The following PRKAR1B variants were observed in gnomAD, a reference collection of about 807,000 sequenced individuals.
The protein encoded by PRKAR1B is cAMP-dependent protein kinase type I-beta regulatory subunit.
In PRKAR1B, 22 loss-of-function variants were observed where a neutral mutation model predicts 46.5. The ratio of observed to expected loss-of-function variants is 0.47; its 90% CI spans 0.34 to 0.68. The LOEUF (loss-of-function observed/expected upper bound fraction) is 0.68, where lower values mean the gene tolerates loss of function less well. Among genes scored for constraint, PRKAR1B ranks in the 30% least tolerant of loss-of-function variants. The pLI is 0.01. For synonymous variants in PRKAR1B, 259 were observed against 217.7 expected (o/e 1.19, Z -1.67); for missense variants, 445 against 535.6 (o/e 0.83, Z 1.67).
At chr7:613,721 C>T (rs994252720) in intron 4 of PRKAR1B, among the ~76,000 whole-genome samples, 1 of 152,242 alleles carries the variant, frequency 6.6e-6, no homozygotes, top group South Asian at 2.1e-4. Flanking sequence ...AAGCCACGAC[C>T]AGGCCCACCT....
intron 8 of PRKAR1B, among the ~76,000 whole-genome samples, chr7:579,627 C>T (rs376885424): frequency 9.2e-5 from 14 of 152,222 alleles, no homozygotes; most frequent in Non-Finnish European, 1.5e-4. Context: ...TCACCAGTTG[C>T]GGAGGGAGCT....
intron 9 of PRKAR1B, among the ~76,000 whole-genome samples, chr7:578,014 G>T (rs1381749390): frequency 6.6e-6 from 1 of 152,234 alleles, no homozygotes; most frequent in Non-Finnish European, 1.5e-5. Context: ...CGGGTCATCA[G>T]ACCACATTGC....
At chr7:576,390 G>C (rs1779835401) in intron 9 of PRKAR1B, among the ~76,000 whole-genome samples, 2 of 152,174 alleles carry the variant, frequency 1.3e-5, no homozygotes, top group Admixed American at 1.3e-4. Context: ...CATCACTGTT[G>C]AACGAGTCCT....
At chr7:717,856 T>C (rs912220747) in intron 1 of PRKAR1B, among the ~76,000 whole-genome samples, 2 of 151,686 alleles carry the variant, frequency 1.3e-5, no homozygotes, top group East Asian at 3.9e-4. Context: ...GCTTGTGGGG[T>C]ACCCTCCCCT....
intron 5 of PRKAR1B, among the ~76,000 whole-genome samples, chr7:607,152 C>T (rs1016301385): frequency 1.3e-4 from 19 of 151,944 alleles, no homozygotes; most frequent in Non-Finnish European, 2.2e-4. Context: ...TACAGGCACC[C>T]GCCACCACAC....
In PRKAR1B at chr7:550,592, T is replaced by C. The variant is rs28626752; in HGVS notation, c.984A>G (p.Ala328=). 0.011 allele frequency: 17,804 copies of C among 1,579,800 alleles called. 885 individuals are homozygous for C. The East Asian group carries it at 0.18, about 16-fold the overall frequency. Residue 328 remains alanine (A), a synonymous_variant, in exon 11 of 11, where the codon GCA becomes GCG. Transcript: ENST00000537384. ...CCGCCCGGGGCCGGTTCAGCAGCAG[T>C]GCAATCTCCCCTGGGGGTTGAAGAG... ...LGPSDYFGEI[A]LLLNRPRAAT... is the part of the protein sequence containing the mutation.
At chr7:710,684 C>G (rs1391202500) in intron 2 of PRKAR1B, among the ~76,000 whole-genome samples, 1 of 140,710 alleles carries the variant, frequency 7.1e-6, no homozygotes, top group Non-Finnish European at 1.5e-5. Flanking sequence ...CTCGCTCTGT[C>G]GCCCAGGCTG....
intron 2 of PRKAR1B, among the ~76,000 whole-genome samples, chr7:710,107 A>G (rs1038303782): frequency 6.6e-6 from 1 of 152,128 alleles, no homozygotes; most frequent in Non-Finnish European, 1.5e-5. Context: ...GAAGAGTTAT[A>G]TTCACTCCTT....
At chr7:562,611 C>T (rs905076229) in intron 9 of PRKAR1B, among the ~76,000 whole-genome samples, 1 of 152,214 alleles carries the variant, frequency 6.6e-6, no homozygotes, top group Non-Finnish European at 1.5e-5. Flanking sequence ...GGGCCTCTCA[C>T]ACCCTTTCCT....
chr7:689,997 A>G (rs1238383202), intron 2 of PRKAR1B, among the ~76,000 whole-genome samples: 4 of 150,462 alleles, frequency 2.7e-5, no homozygotes, highest in Non-Finnish European at 4.4e-5. Context: ...ACAGTTTTTA[A>G]AGAGCTGAGG....
At chr7:579,537 C>T (rs966698626) in intron 8 of PRKAR1B, among the ~76,000 whole-genome samples, 160 bp from the exon 9 acceptor site, 1 of 152,226 alleles carries the variant, frequency 6.6e-6, no homozygotes, top group Non-Finnish European at 1.5e-5. Context: ...GTGACGCTGT[C>T]CCCCAGCACC....
chr7:619,986 G>A (rs1322587222), intron 4 of PRKAR1B, among the ~76,000 whole-genome samples: 1 of 150,770 alleles, frequency 6.6e-6, no homozygotes, highest in Admixed American at 6.6e-5. Context: ...GAGTAGCTGG[G>A]CCTACAGGCA....
intron 1 of PRKAR1B, among the ~76,000 whole-genome samples, chr7:711,792 G>A (rs544118005): frequency 2.6e-5 from 4 of 152,158 alleles, no homozygotes; most frequent in African/African-American, 7.2e-5. Flanking sequence ...AGGGGTGCAC[G>A]CGGCTGAGAA....
chr7:610,789 T>C (rs1471484536), intron 4 of PRKAR1B, among the ~76,000 whole-genome samples: 1 of 152,248 alleles, frequency 6.6e-6, no homozygotes, highest in Non-Finnish European at 1.5e-5. Context: ...AAAACAGTTT[T>C]CTCTTCTCAT....
intron 4 of PRKAR1B, among the ~76,000 whole-genome samples, chr7:669,025 C>G (rs1160634048): frequency 2.0e-5 from 3 of 152,160 alleles, no homozygotes; most frequent in Non-Finnish European, 4.4e-5. Flanking sequence ...ACCTGCACAC[C>G]CATGTTCACA....
rs1172481113 is a variant in PRKAR1B, at chr7:606,072, C to T, written c.549+121G>A. ...TAGCAGTTGCATTTCTGGATTAAAA[C>T]ACTAGGAATACGGCACTCAGCGCAG... On this transcript the variant is annotated intron_variant, in intron 6 of 10. Coordinates refer to ENST00000537384, the MANE Select transcript of PRKAR1B (RefSeq NM_001164760.2). The T allele has an allele frequency of 5.6e-6, 5 of 888,318 alleles. No homozygotes were observed. In the African/African-American group the frequency reaches 8.4e-5, roughly 15 times the overall value. The allele number at this position is 888,318 out of a possible 1,614,324, so 55.0% of individuals were successfully genotyped here.
At position 668,024 on chromosome 7, in the gene PRKAR1B, G is replaced by C. The variant is rs546988832; in HGVS notation, c.440+9205C>G. ...CCTTATGTATCTCCCACACTGTTAC[G>C]GATCGACAAGAGCAAAGTCACACAG... is the stretch of plus-strand genomic sequence containing the variant. On this transcript the variant is annotated intron_variant, in intron 4 of 10. Transcript: ENST00000537384. 1.8e-4 allele frequency among the ~76,000 whole-genome samples: 27 copies of C among 152,260 alleles called. 1 individual carries two copies. Among genetic ancestry groups the C allele is most frequent in the African/African-American group, 6.5e-4 (27 of 41,554 alleles).
At chr7:691,633 T>C (rs1171734996) in intron 2 of PRKAR1B, 18 of 1,302,456 alleles carry the variant, frequency 1.4e-5, no homozygotes, top group Non-Finnish European at 1.6e-5. Flanking sequence ...CTGAATGGCA[T>C]GTGGCCTCCG....
chr7:606,341 C>G (rs905595199), intron 5 of PRKAR1B, 102 bp from the exon 6 acceptor site: 32 of 963,256 alleles, frequency 3.3e-5, no homozygotes, highest in Non-Finnish European at 4.7e-5. Flanking sequence ...CAGAGACCCT[C>G]GAAGCAACAT....
Sources: allele counts gnomAD v4.1 joint callset (sites outside exome capture counted in the v4.1 genomes callset), GRCh38; gene constraint gnomAD v4.1.1; transcripts MANE v1.5; gene names NCBI Gene and HGNC (gene_info 2026-07-23, HGNC 2026-07-21).